Variants in KCNIP4 observed in about 807,000 individuals in gnomAD.
KCNIP4 encodes potassium voltage-gated channel interacting protein 4.
A neutral mutation model predicts 34.0 loss-of-function variants in KCNIP4; 12 were observed. The observed-to-expected ratio is 0.35, with a 90% CI of 0.23 to 0.57. KCNIP4 has a LOEUF of 0.57. Ranked by LOEUF, KCNIP4 falls within the 20% of genes least tolerant of loss-of-function variation. The pLI is 0.83. For synonymous variants in KCNIP4, 124 were observed against 102.2 expected, an observed-to-expected ratio of 1.21 and a Z score of -1.29; for missense variants, 238 against 311.7, an observed-to-expected ratio of 0.76 and a Z score of 1.78.
At chr4:21,375,228 G>A (rs1440281533) in intron 1 of KCNIP4, among the ~76,000 whole-genome samples, 1 of 130,938 alleles carries the variant, frequency 7.6e-6, no homozygotes, top group African/African-American at 4.4e-5. Flanking sequence ...GTCCAACCCT[G>A]AGTCTTGTAG....
intron 1 of KCNIP4, among the ~76,000 whole-genome samples, chr4:20,992,819 G>A (rs963225670): frequency 2.0e-5 from 3 of 152,024 alleles, no homozygotes; most frequent in African/African-American, 7.2e-5. Context: ...TCTGAAGTCA[G>A]TAGTTCAAGA....
intron 1 of KCNIP4, among the ~76,000 whole-genome samples, chr4:21,411,312 T>C (rs1724478966): frequency 6.6e-6 from 1 of 152,142 alleles, no homozygotes; most frequent in South Asian, 2.1e-4. Flanking sequence ...AGCAAACTTT[T>C]AGATAGTGAG....
chr4:20,989,528 C>T (rs192585598), intron 1 of KCNIP4, among the ~76,000 whole-genome samples: 234 of 152,202 alleles, frequency 1.5e-3, no homozygotes, highest in African/African-American at 5.3e-3. Context: ...TTTCTTCTCT[C>T]AGTCAATAGA....
At chr4:21,766,863 T>C (rs975839756) in intron 1 of KCNIP4, among the ~76,000 whole-genome samples, 1 of 152,164 alleles carries the variant, frequency 6.6e-6, no homozygotes, top group African/African-American at 2.4e-5. Context: ...ACAAATCCAT[T>C]GAGTGTCTAT....
At chr4:21,253,467 C>T (rs1187523658) in intron 1 of KCNIP4, among the ~76,000 whole-genome samples, 2 of 152,148 alleles carry the variant, frequency 1.3e-5, no homozygotes, top group Non-Finnish European at 2.9e-5. Context: ...TTGTTAGCAC[C>T]AACCTCTTCT....
chr4:21,037,687 T>A (rs1560666784), intron 1 of KCNIP4, among the ~76,000 whole-genome samples: 1 of 152,226 alleles, frequency 6.6e-6, no homozygotes, highest in Non-Finnish European at 1.5e-5. Flanking sequence ...TCACACGCGG[T>A]CTTTGCTAGA....
chr4:21,593,864 G>A (rs1742416190), intron 1 of KCNIP4, among the ~76,000 whole-genome samples: 1 of 152,108 alleles, frequency 6.6e-6, no homozygotes, highest in African/African-American at 2.4e-5. Context: ...AGAATTGTCT[G>A]TTACTGAGTG....
At chr4:21,154,191 C>A (rs79505347) in intron 1 of KCNIP4, among the ~76,000 whole-genome samples, 4,538 of 152,200 alleles carry the variant, frequency 0.03, 96 homozygotes, top group South Asian at 0.063. Flanking sequence ...AATATCAATT[C>A]TCAGTTCACC....
intron 1 of KCNIP4, among the ~76,000 whole-genome samples, chr4:21,184,628 G>A (rs559663570): frequency 7.2e-5 from 11 of 152,254 alleles, no homozygotes; most frequent in Non-Finnish European, 1.0e-4. Context: ...ACTTAGGTTC[G>A]TTCTCTGCCA....
chr4:20,919,650 C>T (rs781608392), intron 1 of KCNIP4, among the ~76,000 whole-genome samples: 7 of 132,738 alleles, frequency 5.3e-5, no homozygotes, highest in South Asian at 2.4e-4. Context: ...TTGCCCTGAG[C>T]GGAGATGGCA....
intron 1 of KCNIP4, among the ~76,000 whole-genome samples, chr4:21,588,067 T>G (rs1205803941): frequency 6.6e-6 from 1 of 152,040 alleles, no homozygotes; most frequent in South Asian, 2.1e-4. Context: ...TGAAGTCAAA[T>G]AGTAAAACTA....
rs142117109 is a variant in KCNIP4 at position 21,760,906 on chromosome 4, C to T, written c.61+187665G>A. On this transcript the variant is annotated intron_variant, in intron 1 of 8. Transcript: ENST00000382152. Reference sequence around the variant, plus strand: ...TAATAAGCTAAGTGTATTCATTTAACAGATATTCATTCACCAACTACTACA... The same window carrying T: ...TAATAAGCTAAGTGTATTCATTTAATAGATATTCATTCACCAACTACTACA... Among the ~76,000 whole-genome samples, 385 of 152,182 alleles carry T rather than the reference C, an allele frequency of 2.5e-3. 4 individuals are homozygous for T. The highest frequency in any genetic ancestry group is 6.8e-3 in the Middle Eastern group (2 of 294).
chr4:21,208,044 T>C (rs1270296884), intron 1 of KCNIP4, among the ~76,000 whole-genome samples: 1 of 151,948 alleles, frequency 6.6e-6, no homozygotes, highest in East Asian at 1.9e-4. Context: ...GGTTGTGCCA[T>C]GTTACCCAGG....
chr4:20,823,927 G>T (rs1383938373), intron 3 of KCNIP4, among the ~76,000 whole-genome samples: 1 of 152,166 alleles, frequency 6.6e-6, no homozygotes, highest in East Asian at 1.9e-4. Context: ...GGGTAGCATA[G>T]AATAGTGGCT....
intron 1 of KCNIP4, among the ~76,000 whole-genome samples, chr4:21,449,758 C>T (rs893405823): frequency 6.6e-6 from 1 of 152,008 alleles, no homozygotes; most frequent in Non-Finnish European, 1.5e-5. Flanking sequence ...TGCTGTATCC[C>T]TGGTGCTGTG....
chr4:20,862,776 T>C (rs1420327649), intron 2 of KCNIP4, among the ~76,000 whole-genome samples: 1 of 152,164 alleles, frequency 6.6e-6, no homozygotes, highest in South Asian at 2.1e-4. Flanking sequence ...CACCACGGAA[T>C]ACTATGCAGC....
chr4:21,130,077 G>C lies in KCNIP4; in HGVS notation c.62-247368C>G, dbSNP rs1194290634. Among the ~76,000 whole-genome samples the C allele has an allele frequency of 2.6e-5, 4 of 151,914 alleles. No individual in the cohort carries two copies. In the East Asian group the frequency reaches 7.7e-4, roughly 29 times the overall value. ...TAGGAGGGAGCCTTGAATGACCTTG[G>C]CCTTCCATTCCCTGATTTTTTACTG... On this transcript the variant is annotated intron_variant, in intron 1 of 8. Coordinates refer to ENST00000382152, the MANE Select transcript of KCNIP4 (RefSeq NM_025221.6).
chr4:21,471,689 A>G (rs1383477074), intron 1 of KCNIP4, among the ~76,000 whole-genome samples: 1 of 152,174 alleles, frequency 6.6e-6, no homozygotes. Flanking sequence ...TTCAGTATCA[A>G]TCTTGTGGAA....
intron 1 of KCNIP4, among the ~76,000 whole-genome samples, chr4:21,515,216 GA>G (rs1174056776): frequency 6.6e-6 from 1 of 152,080 alleles, no homozygotes; most frequent in African/African-American, 2.4e-5. Context: ...TCCTGATCTG[GA>G]AAAACTCTCC....
Sources: gnomAD v4.1 joint callset for allele counts (sites outside exome capture counted in the v4.1 genomes callset) on GRCh38, gnomAD v4.1.1 for gene constraint, MANE v1.5 for transcripts, NCBI Gene and HGNC (gene_info 2026-07-23, HGNC 2026-07-21) for gene names.